The following GAS6 variants were observed in gnomAD, a reference collection of about 807,000 sequenced individuals.
The protein encoded by GAS6 is growth arrest-specific protein 6.
GAS6 carries 41 observed loss-of-function variants against 75.8 expected under a neutral mutation model. The ratio of observed to expected loss-of-function variants is 0.54; its 90% CI spans 0.42 to 0.70. The LOEUF is 0.70. Among genes scored for constraint, GAS6 ranks in the 30% least tolerant of loss-of-function variants. The probability of loss-of-function intolerance (pLI) is 0.00; values close to 1 mark genes in which losing one functional copy is unlikely to be tolerated. For missense variants in GAS6, 854 were observed against 940.2 expected (o/e 0.91, Z 1.20); for synonymous variants, 432 against 412.6 (o/e 1.05, Z -0.57).
rs544676722 is a variant in GAS6 at position 113,838,112 on chromosome 13, G to A, written c.546C>T (p.Cys182=). 1.6e-4 allele frequency: 266 copies of A among 1,612,906 alleles called. 3 individuals are homozygous for A. In the South Asian group the frequency reaches 2.7e-3, roughly 16 times the overall value. ...HNKPGSFHCS[C]HSGFELSSDG... Reference sequence around the variant, plus strand: ...CAGAGGAGAGCTCGAAGCCGCTGTGGCAGGAACAGTGGAAGCTACCCGGCT... The same window carrying A: ...CAGAGGAGAGCTCGAAGCCGCTGTGACAGGAACAGTGGAAGCTACCCGGCT... The change falls in exon 6 of 15, where the codon TGC becomes TGT. Residue 182 remains cysteine (C), a synonymous_variant. Coordinates refer to ENST00000327773, the MANE Select transcript of GAS6 (RefSeq NM_000820.4).
At chr13:113,861,860 C>T (rs1329029525) in intron 2 of GAS6, among the ~76,000 whole-genome samples, 4 of 152,134 alleles carry the variant, frequency 2.6e-5, no homozygotes, top group Non-Finnish European at 4.4e-5. Flanking sequence ...GAGGGCAGAA[C>T]GCTGGGAACT....
chr13:113,835,532 G>A lies in GAS6; in HGVS notation c.693C>T (p.Ser231=). 1 of 1,612,620 alleles carries A rather than the reference G, an allele frequency of 6.2e-7. No individual in the cohort carries two copies. Among genetic ancestry groups the A allele is most frequent in the Non-Finnish European group, 8.5e-7 (1 of 1,179,868 alleles). The change falls in exon 7 of 15, where the codon TCC becomes TCT. Residue 231 remains serine (S), a synonymous_variant. Coordinates refer to ENST00000327773, the MANE Select transcript of GAS6 (RefSeq NM_000820.4). The stretch of plus-strand genomic sequence containing the variant: ...GGGTACCTCGGCAAGCCTTCTCCTG[G>A]GAGCTGTACGCAAAGCCCTCGTCAC... ...CLCDEGFAYS[S]QEKACRDVDE...
At chr13:113,840,651 C>A (rs187884964) in intron 4 of GAS6, 1 of 152,262 alleles carries the variant, frequency 6.6e-6, no homozygotes, top group Non-Finnish European at 1.5e-5. Context: ...GTTACGCAAG[C>A]CTGAGCCCCG....
chr13:113,847,048 G>A (rs1204120600), intron 3 of GAS6: 1 of 503,866 alleles, frequency 2.0e-6, no homozygotes, highest in Non-Finnish European at 3.9e-6. Flanking sequence ...ATCCCGCTAG[G>A]GCGGCGGGGG....
intron 6 of GAS6, 185 bp from the exon 7 acceptor site, chr13:113,835,820 G>T: frequency 7.1e-7 from 1 of 1,405,426 alleles, no homozygotes; most frequent in Non-Finnish European, 9.2e-7. Flanking sequence ...GGGTGTTGGT[G>T]CACGCTTCTG....
chr13:113,831,446 G>A (rs1483183676), intron 10 of GAS6, among the ~76,000 whole-genome samples: 2 of 152,160 alleles, frequency 1.3e-5, no homozygotes, highest in East Asian at 3.9e-4. Flanking sequence ...GCTGTGGTGC[G>A]GGTTCAGTGG....
At position 113,822,569 on chromosome 13, in the gene GAS6, C is replaced by T. The variant is rs564552172; in HGVS notation, c.1654-383G>A. ...GCCCTGCGGTGGCGGCCTCCCAGCC[C>T]GGTGGGCACTCACGCTGGCACCACA... On this transcript the variant is annotated intron_variant, in intron 13 of 14. Transcript: ENST00000327773. 20 of 191,316 alleles carry T rather than the reference C, an allele frequency of 1.0e-4. No homozygotes were observed. The East Asian group carries it at 1.1e-3, about 10-fold the overall frequency. 11.9% of individuals were successfully genotyped at this position (191,316 alleles called of 1,614,324 possible).
intron 2 of GAS6, among the ~76,000 whole-genome samples, chr13:113,860,534 TA>T (rs377216894): frequency 1.3e-5 from 2 of 152,132 alleles, no homozygotes; most frequent in African/African-American, 2.4e-5. Flanking sequence ...GAGGATTTAG[TA>T]AAAAGTCACT....
chr13:113,834,660 C>A lies in GAS6; in HGVS notation c.725G>T (p.Cys242Phe). ...QEKACRDVDE[C>F]LQGRCEQVCV... ...GACCTGCTCACAGCGGCCCTGCAGACACTCGTCCACATCTGCCAGCCAGAG... is the reference window on the plus strand; with the variant it reads ...GACCTGCTCACAGCGGCCCTGCAGAAACTCGTCCACATCTGCCAGCCAGAG... Residue 242 changes from cysteine (C) to phenylalanine (F), a missense_variant, in exon 8 of 15, where the codon TGT becomes TTT. Cys to Phe is a radical substitution (Grantham distance 205). Coordinates refer to ENST00000327773, the MANE Select transcript of GAS6 (RefSeq NM_000820.4). 1 of 1,579,174 alleles carries A rather than the reference C, an allele frequency of 6.3e-7. No individual in the cohort carries two copies. Among genetic ancestry groups the A allele is most frequent in the Non-Finnish European group, 8.6e-7 (1 of 1,160,842 alleles).
intron 3 of GAS6, 117 bp from the exon 4 acceptor site, chr13:113,846,706 A>C (rs1424405012): frequency 2.5e-6 from 2 of 799,440 alleles, no homozygotes; most frequent in Non-Finnish European, 2.2e-6. Context: ...GGGTGCTATC[A>C]TCCTCCAGAA....
chr13:113,851,506 T>C (rs1594207846), intron 2 of GAS6, among the ~76,000 whole-genome samples: 1 of 151,170 alleles, frequency 6.6e-6, no homozygotes, highest in South Asian at 2.1e-4. Flanking sequence ...AATAGGTGGG[T>C]GGGTGAGTGG....
At chr13:113,835,749 G>C (rs1182637611) in intron 6 of GAS6, 114 bp from the exon 7 acceptor site, 1 of 1,498,768 alleles carries the variant, frequency 6.7e-7, no homozygotes, top group Admixed American at 2.2e-5. Context: ...TCCAGACTCT[G>C]TGGGGCCAGC....
At chr13:113,860,959 G>A (rs775320660) in intron 2 of GAS6, among the ~76,000 whole-genome samples, 76 of 150,500 alleles carry the variant, frequency 5.0e-4, no homozygotes, top group Admixed American at 7.9e-4. Context: ...AGTGGGACAC[G>A]CTTCAGGCAG....
intron 2 of GAS6, among the ~76,000 whole-genome samples, chr13:113,850,305 A>G (rs1350240097): frequency 6.6e-6 from 1 of 152,088 alleles, no homozygotes; most frequent in Non-Finnish European, 1.5e-5. Context: ...AGGAGTCCCC[A>G]TGGAGCAGAG....
At chr13:113,846,160 TGCTAAGCCGCCACGCGTGTGAAGAGC>T in intron 4 of GAS6, among the ~76,000 whole-genome samples, 1 of 152,298 alleles carries the variant, frequency 6.6e-6, no homozygotes, top group African/African-American at 2.4e-5. Flanking sequence ...AGACCGTGTG[TGCTAAGCCGCCACGCGTGTGAAGAGC>T]GGAAGGCCGC....
chr13:113,861,675 G>C (rs1305442614), intron 2 of GAS6, among the ~76,000 whole-genome samples: 1 of 152,168 alleles, frequency 6.6e-6, no homozygotes, highest in Non-Finnish European at 1.5e-5. Flanking sequence ...GAGCCGGCTG[G>C]GACTCAAGCC....
chr13:113,850,719 T>C (rs1176705723), intron 2 of GAS6, among the ~76,000 whole-genome samples: 1 of 151,998 alleles, frequency 6.6e-6, no homozygotes, highest in Admixed American at 6.6e-5. Flanking sequence ...GATGAGTGCG[T>C]GAAAGAATGG....
intron 5 of GAS6, 140 bp from the exon 6 acceptor site, chr13:113,838,331 G>A: frequency 1.0e-6 from 1 of 981,784 alleles, no homozygotes; most frequent in South Asian, 1.5e-5. Flanking sequence ...CTGGAGCAGA[G>A]AGAGATCCCA....
intron 2 of GAS6, among the ~76,000 whole-genome samples, chr13:113,854,876 C>T (rs1368594316): frequency 6.6e-6 from 1 of 152,160 alleles, no homozygotes; most frequent in Admixed American, 6.5e-5. Context: ...AGAAGGGAGC[C>T]TGGGAAAGTG....
Sources: allele counts gnomAD v4.1 joint callset (sites outside exome capture counted in the v4.1 genomes callset), GRCh38; gene constraint gnomAD v4.1.1; transcripts MANE v1.5; gene names NCBI Gene and HGNC (gene_info 2026-07-23, HGNC 2026-07-21).